The following SYNDIG1 variants were observed in gnomAD, a reference collection of about 807,000 sequenced individuals.
The protein encoded by SYNDIG1 is synapse differentiation inducing 1.
A neutral mutation model predicts 19.4 loss-of-function variants in SYNDIG1; 9 were observed. The observed-to-expected ratio is 0.46, with a 90% CI of 0.28 to 0.81. The LOEUF is 0.81. SYNDIG1 is among the 30% of genes least tolerant of loss of function. The probability of loss-of-function intolerance (pLI) is 0.12; values close to 1 mark genes in which losing one functional copy is unlikely to be tolerated. For missense variants in SYNDIG1, 311 were observed against 343.3 expected, an observed-to-expected ratio of 0.91 and a Z score of 0.74; for synonymous variants, 141 against 145.9, an observed-to-expected ratio of 0.97 and a Z score of 0.24.
intron 1 of SYNDIG1, among the ~76,000 whole-genome samples, chr20:24,509,035 A>T (rs2056675931): frequency 6.6e-6 from 1 of 152,212 alleles, no homozygotes; most frequent in South Asian, 2.1e-4. Context: ...CAGGCCTTAA[A>T]CATAAACCTC....
chr20:24,578,639 G>A (rs986252571), intron 2 of SYNDIG1, among the ~76,000 whole-genome samples: 1 of 152,172 alleles, frequency 6.6e-6, no homozygotes, highest in African/African-American at 2.4e-5. Context: ...AGCCTCAAAT[G>A]AAGTGGGCAA....
intron 1 of SYNDIG1, among the ~76,000 whole-genome samples, chr20:24,510,992 G>T (rs879512004): frequency 2.0e-5 from 3 of 152,124 alleles, no homozygotes; most frequent in Admixed American, 2.0e-4. Context: ...CTTAAATTCA[G>T]TAGTTATTTT....
chr20:24,500,587 T>G (rs1318217896), intron 1 of SYNDIG1, among the ~76,000 whole-genome samples: 1 of 151,902 alleles, frequency 6.6e-6, no homozygotes, highest in Non-Finnish European at 1.5e-5. Flanking sequence ...CTTTTTTTCC[T>G]TCTGTCTTAA....
chr20:24,575,379 A>G (rs1194768164), intron 2 of SYNDIG1, among the ~76,000 whole-genome samples: 2 of 152,230 alleles, frequency 1.3e-5, no homozygotes, highest in Non-Finnish European at 2.9e-5. Flanking sequence ...CTGAACGTTC[A>G]TTTATTCCCA....
Position 24,665,546 on chromosome 20 carries a change from T to G in SYNDIG1, c.*42T>G. ...GGGGGAGCACCCGGGGCCAGGTCTG[T>G]GTGGACGTGGAGGAAGCAGGCATAC... On this transcript the variant is annotated 3_prime_UTR_variant, in exon 4 of 4. Transcript: ENST00000376862. 6.2e-7 allele frequency: 1 copy of G among 1,610,796 alleles called. No homozygotes were observed. Among genetic ancestry groups the G allele is most frequent in the Non-Finnish European group, 8.5e-7 (1 of 1,179,180 alleles).
intron 1 of SYNDIG1, among the ~76,000 whole-genome samples, chr20:24,487,505 C>T (rs1703578033): frequency 6.6e-6 from 1 of 152,136 alleles, no homozygotes; most frequent in South Asian, 2.1e-4. Context: ...GAGATGAGTG[C>T]TGTTATCTCA....
chr20:24,581,804 C>T (rs2058327667), intron 2 of SYNDIG1, among the ~76,000 whole-genome samples: 1 of 151,548 alleles, frequency 6.6e-6, no homozygotes, highest in African/African-American at 2.4e-5. Flanking sequence ...CATGTCCTCC[C>T]AACTGGACTT....
intron 3 of SYNDIG1, among the ~76,000 whole-genome samples, chr20:24,661,477 A>AAGGGGAGGAAG (rs2059593015): frequency 2.6e-4 from 15 of 56,816 alleles, no homozygotes; most frequent in African/African-American, 3.6e-4. Context: ...GAGGGAGGGA[A>AAGGGGAGGAAG]GAGGGAGGAA....
intron 1 of SYNDIG1, among the ~76,000 whole-genome samples, chr20:24,476,542 C>T (rs1208887201): frequency 6.6e-6 from 1 of 151,900 alleles, no homozygotes; most frequent in Non-Finnish European, 1.5e-5. Context: ...TGGTGGCGGG[C>T]ACCTGTAGTC....
At chr20:24,489,564 C>T (rs759755575) in intron 1 of SYNDIG1, among the ~76,000 whole-genome samples, 1 of 152,050 alleles carries the variant, frequency 6.6e-6, no homozygotes, top group African/African-American at 2.4e-5. Context: ...GGGACAGGCA[C>T]AGACACAGGC....
intron 2 of SYNDIG1, among the ~76,000 whole-genome samples, chr20:24,552,994 T>C (rs1445425047): frequency 1.3e-5 from 2 of 152,014 alleles, no homozygotes; most frequent in African/African-American, 2.4e-5. Flanking sequence ...TTTTTAATGA[T>C]TGCCATTCTA....
At chr20:24,503,455 G>T (rs1449445573) in intron 1 of SYNDIG1, among the ~76,000 whole-genome samples, 2 of 152,178 alleles carry the variant, frequency 1.3e-5, no homozygotes, top group East Asian at 3.9e-4. Flanking sequence ...ACAATCAGCA[G>T]CATGACTCAC....
intron 3 of SYNDIG1, among the ~76,000 whole-genome samples, chr20:24,606,019 C>T (rs1051907495): frequency 6.6e-6 from 1 of 152,242 alleles, no homozygotes; most frequent in East Asian, 1.9e-4. Context: ...CTTTTAAGAT[C>T]GAGGACTTCT....
intron 3 of SYNDIG1, among the ~76,000 whole-genome samples, chr20:24,625,670 A>G (rs2059114469): frequency 1.3e-5 from 2 of 151,870 alleles, no homozygotes; most frequent in Admixed American, 6.6e-5. Context: ...CAGAGAGCAC[A>G]GGGTTGGGGG....
chr20:24,471,143 G>T (rs1384802155), intron 1 of SYNDIG1, among the ~76,000 whole-genome samples: 4 of 152,106 alleles, frequency 2.6e-5, no homozygotes, highest in Admixed American at 2.6e-4. Flanking sequence ...CGCCTGTGGG[G>T]TGAGCAGCCT....
intron 3 of SYNDIG1, among the ~76,000 whole-genome samples, chr20:24,643,080 C>A (rs1003236221): frequency 6.6e-6 from 1 of 151,806 alleles, no homozygotes; most frequent in Admixed American, 6.6e-5. Context: ...TATTTATGTA[C>A]ATATATATAT....
At chr20:24,645,167 G>A (rs901858251) in intron 3 of SYNDIG1, among the ~76,000 whole-genome samples, 2 of 152,180 alleles carry the variant, frequency 1.3e-5, no homozygotes, top group East Asian at 1.9e-4. Context: ...ATGATGTGGC[G>A]GTGCACTGCT....
At position 24,527,081 on chromosome 20, in the gene SYNDIG1, C is replaced by T. The variant is rs931366885; in HGVS notation, c.-78-15939C>T. ...TTCACAGGTAGCGTCCTTTGAGGTG[C>T]GGCTTCTCTCCCAGGAGTTCTGTCT... is the stretch of plus-strand genomic sequence containing the variant. On this transcript the variant is annotated intron_variant, in intron 1 of 3. Coordinates refer to ENST00000376862, the MANE Select transcript of SYNDIG1 (RefSeq NM_024893.3). 7.9e-5 allele frequency among the ~76,000 whole-genome samples: 12 copies of T among 152,268 alleles called. No homozygotes were observed. In the East Asian group the frequency reaches 1.2e-3, roughly 15 times the overall value.
chr20:24,530,589 G>T (rs1018090320), intron 1 of SYNDIG1, among the ~76,000 whole-genome samples: 1 of 152,076 alleles, frequency 6.6e-6, no homozygotes, highest in Non-Finnish European at 1.5e-5. Flanking sequence ...CGTATCATTC[G>T]CTTAGCAGTA....
Sources: allele counts gnomAD v4.1 joint callset (sites outside exome capture counted in the v4.1 genomes callset), GRCh38; gene constraint gnomAD v4.1.1; transcripts MANE v1.5; gene names NCBI Gene and HGNC (gene_info 2026-07-23, HGNC 2026-07-21).